Variants in ZNF678 observed in about 807,000 individuals in gnomAD.
ZNF678 encodes zinc finger protein 678.
A neutral mutation model predicts 3.0 loss-of-function variants in ZNF678; 5 were observed. The ratio of observed to expected loss-of-function variants is 1.69; its 90% confidence interval spans 0.88 to 3.56. The LOEUF (loss-of-function observed/expected upper bound fraction) is 3.56, where lower values mean the gene tolerates loss of function less well. ZNF678 is among the 30% of genes most tolerant of loss of function. The pLI is 0.00. For missense variants in ZNF678, 593 were observed against 605.0 expected (o/e 0.98, Z 0.21); for synonymous variants, 218 against 199.6 (o/e 1.09, Z -0.78).
At chr1:227,674,881 G>A (rs114177526) in intron 5 of ZNF678, among the ~76,000 whole-genome samples, 2,350 of 152,188 alleles carry the variant, frequency 0.015, 72 homozygotes, top group African/African-American at 0.053. Context: ...GTGAGCCACT[G>A]CACGCAGCCT....
chr1:227,651,417 G>T (rs1481557549), intron 3 of ZNF678, among the ~76,000 whole-genome samples: 1 of 152,150 alleles, frequency 6.6e-6, no homozygotes, highest in Non-Finnish European at 1.5e-5. Flanking sequence ...GTCTAGAACT[G>T]AGTTATTCAC....
At chr1:227,667,205 A>C (rs1247674030), downstream of ZNF678, among the ~76,000 whole-genome samples, 2 of 151,754 alleles carry the variant, frequency 1.3e-5, no homozygotes, top group African/African-American at 4.8e-5. Flanking sequence ...CAGCACACCC[A>C]GCTAATTTTT....
intron 1 of ZNF678, among the ~76,000 whole-genome samples, chr1:227,582,872 T>C (rs555199388): frequency 2.4e-4 from 36 of 152,310 alleles, no homozygotes; most frequent in Admixed American, 2.1e-3. Context: ...AACTTTGTCA[T>C]TAATAAGTTG....
intron 1 of ZNF678, among the ~76,000 whole-genome samples, chr1:227,576,317 A>G (rs1656985599): frequency 6.6e-6 from 1 of 152,218 alleles, no homozygotes; most frequent in South Asian, 2.1e-4. Flanking sequence ...GAGTTTCAGC[A>G]GGAATGGAAC....
chr1:227,611,318 C>G (rs1431536955), intron 1 of ZNF678, among the ~76,000 whole-genome samples: 1 of 152,118 alleles, frequency 6.6e-6, no homozygotes, highest in Non-Finnish European at 1.5e-5. Flanking sequence ...GGCCATCACC[C>G]TATCTATACA....
intron 1 of ZNF678, among the ~76,000 whole-genome samples, chr1:227,587,022 C>A (rs1410574727): frequency 6.6e-6 from 1 of 152,176 alleles, no homozygotes; most frequent in East Asian, 1.9e-4. Flanking sequence ...TTTGCTTTAA[C>A]AGTGCATTCA....
At chr1:227,598,482 T>C (rs1315025373) in intron 1 of ZNF678, 10 of 1,437,952 alleles carry the variant, frequency 7.0e-6, no homozygotes, top group Non-Finnish European at 9.1e-6. Flanking sequence ...ATGTTTCTTA[T>C]GCTTCTTTTT....
At chr1:227,567,758 GT>G (rs1353236643) in intron 1 of ZNF678, among the ~76,000 whole-genome samples, 2 of 141,870 alleles carry the variant, frequency 1.4e-5, no homozygotes, top group Non-Finnish European at 3.1e-5. Context: ...TTCCATTGTA[GT>G]TTGGGTGATT....
At chr1:227,647,225 C>G (rs1196716111) in intron 2 of ZNF678, among the ~76,000 whole-genome samples, 1 of 152,154 alleles carries the variant, frequency 6.6e-6, no homozygotes, top group African/African-American at 2.4e-5. Flanking sequence ...CCATTGCACT[C>G]CAGCTTGGGC....
intron 1 of ZNF678, among the ~76,000 whole-genome samples, chr1:227,581,469 AT>A (rs1479232827): frequency 6.6e-6 from 1 of 152,198 alleles, no homozygotes; most frequent in Non-Finnish European, 1.5e-5. Flanking sequence ...AAGTGCAAAC[AT>A]TACCCTGATT....
At chr1:227,621,183 T>G (rs1351546810) in intron 1 of ZNF678, among the ~76,000 whole-genome samples, 2 of 152,110 alleles carry the variant, frequency 1.3e-5, no homozygotes, top group Non-Finnish European at 2.9e-5. Context: ...GAGATCGAGG[T>G]TGCAGTCAGC....
intron 1 of ZNF678, among the ~76,000 whole-genome samples, chr1:227,572,301 T>G (rs1231302368): frequency 6.6e-6 from 1 of 152,262 alleles, no homozygotes; most frequent in Non-Finnish European, 1.5e-5. Flanking sequence ...AATAAATCTA[T>G]GGGAGAAGCA....
intron 3 of ZNF678, among the ~76,000 whole-genome samples, chr1:227,652,348 G>T (rs1248160520): frequency 2.0e-5 from 3 of 152,082 alleles, no homozygotes; most frequent in African/African-American, 7.2e-5. Flanking sequence ...GTCGTCTAAA[G>T]TTAGTGTCTT....
In ZNF678 at chr1:227,656,447, T is replaced by G. The variant is rs1338110842; in HGVS notation, c.*619T>G. The G allele has an allele frequency of 6.6e-6, 1 of 151,858 alleles. No homozygotes were observed. Among genetic ancestry groups the G allele is most frequent in the South Asian group, 2.1e-4 (1 of 4,836 alleles). 9.4% of individuals were successfully genotyped at this position (151,858 alleles called of 1,614,324 possible). ...TTGATTATATATTTTAATATTGATA[T>G]AATTCATATCTCAAATAACTTGATT... On this transcript the variant is annotated 3_prime_UTR_variant, in exon 4 of 4. Transcript: ENST00000343776.
intron 1 of ZNF678, among the ~76,000 whole-genome samples, chr1:227,569,776 A>G (rs751150074): frequency 6.6e-5 from 10 of 151,924 alleles, no homozygotes; most frequent in Non-Finnish European, 1.5e-4. Flanking sequence ...TTGATCTTCT[A>G]CGTTTTCTTG....
intron 5 of ZNF678, among the ~76,000 whole-genome samples, chr1:227,676,522 T>A (rs189684022): frequency 4.5e-4 from 69 of 152,292 alleles, no homozygotes; most frequent in East Asian, 2.5e-3. Context: ...ATAATTTTTT[T>A]AATTTTATTA....
chr1:227,628,648 G>A (rs553966679), intron 1 of ZNF678, among the ~76,000 whole-genome samples: 46 of 152,368 alleles, frequency 3.0e-4, no homozygotes, highest in African/African-American at 1.1e-3. Context: ...TGTAAGCAGA[G>A]CTGAGCCTCT....
chr1:227,595,741 A>G (rs2102743816), intron 1 of ZNF678, among the ~76,000 whole-genome samples: 1 of 152,314 alleles, frequency 6.6e-6, no homozygotes, highest in South Asian at 2.1e-4. Flanking sequence ...AATCCAAGCC[A>G]GGTCAAAACC....
chr1:227,610,898 C>T (rs1658001110), intron 1 of ZNF678, among the ~76,000 whole-genome samples: 1 of 152,146 alleles, frequency 6.6e-6, no homozygotes, highest in South Asian at 2.1e-4. Context: ...GGCCCTTTTT[C>T]AAGGCCAGGG....
Sources: gnomAD v4.1 joint callset for allele counts (sites outside exome capture counted in the v4.1 genomes callset) on GRCh38, gnomAD v4.1.1 for gene constraint, MANE v1.5 for transcripts, NCBI Gene and HGNC (gene_info 2026-07-23, HGNC 2026-07-21) for gene names.